The following WWOX variants were observed in gnomAD, a reference collection of about 807,000 sequenced individuals.
WWOX encodes WW domain-containing oxidoreductase.
WWOX carries 69 observed loss-of-function variants against 46.2 expected under a neutral mutation model. That is an observed-to-expected ratio of 1.49 (90% CI 1.23 to 1.82). The LOEUF (loss-of-function observed/expected upper bound fraction) is 1.82, where lower values mean the gene tolerates loss of function less well. Among genes scored for constraint, WWOX ranks in the 40% most tolerant of loss-of-function variants. WWOX has a pLI of 0.00. For synonymous variants in WWOX, 359 were observed against 202.6 expected (o/e 1.77, Z -6.56); for missense variants, 919 against 542.6 (o/e 1.69, Z -6.89).
chr16:78,960,987 G>A (rs1260014204), intron 8 of WWOX, among the ~76,000 whole-genome samples: 2 of 152,240 alleles, frequency 1.3e-5, no homozygotes, highest in African/African-American at 4.8e-5. Context: ...TATTCTCCAT[G>A]GAGTATCTTT....
chr16:78,954,002 G>T (rs576056575), intron 8 of WWOX, among the ~76,000 whole-genome samples: 7 of 152,204 alleles, frequency 4.6e-5, no homozygotes, highest in Admixed American at 4.6e-4. Flanking sequence ...TGAACAACAC[G>T]TGGTCTTTGC....
chr16:78,886,018 A>G (rs1032493640), intron 8 of WWOX, among the ~76,000 whole-genome samples: 6 of 148,646 alleles, frequency 4.0e-5, no homozygotes, highest in Non-Finnish European at 8.9e-5. Context: ...TCTGCCTCCC[A>G]AGTTCAAGCA....
intron 8 of WWOX, among the ~76,000 whole-genome samples, chr16:79,001,214 G>C (rs905778): frequency 0.99 from 151,468 of 152,322 alleles, 75,312 homozygotes; most frequent in East Asian, 1. Flanking sequence ...CTCGAGGAAC[G>C]GAGGCCGGTT....
At chr16:78,918,536 C>G (rs1175978398) in intron 8 of WWOX, among the ~76,000 whole-genome samples, 2 of 152,184 alleles carry the variant, frequency 1.3e-5, no homozygotes, top group East Asian at 3.9e-4. Context: ...GAGAAGCTGG[C>G]TGTTAAGAAA....
intron 1 of WWOX, among the ~76,000 whole-genome samples, chr16:78,103,057 G>C (rs2031901623): frequency 6.6e-6 from 1 of 152,086 alleles, no homozygotes; most frequent in South Asian, 2.1e-4. Flanking sequence ...CTAGGGCCCT[G>C]GGGCTCCCTT....
At chr16:78,546,289 G>C (rs747044908) in intron 8 of WWOX, among the ~76,000 whole-genome samples, 1 of 152,140 alleles carries the variant, frequency 6.6e-6, no homozygotes, top group Non-Finnish European at 1.5e-5. Context: ...GGAACAGAAG[G>C]GGGTCAGGCA....
chr16:78,099,911 G>A, intron 1 of WWOX, 26 bp downstream of exon 1: 3 of 1,550,544 alleles, frequency 1.9e-6, no homozygotes, highest in East Asian at 2.5e-5. Context: ...TGGGGCCGCG[G>A]ACGCACCTGG....
intron 5 of WWOX, among the ~76,000 whole-genome samples, chr16:78,369,619 G>A (rs1185280032): frequency 6.6e-6 from 1 of 151,746 alleles, no homozygotes; most frequent in East Asian, 2.0e-4. Context: ...ACTCAAAGAG[G>A]CAAACATTTT....
At chr16:79,059,727 A>C (rs972560662) in intron 8 of WWOX, among the ~76,000 whole-genome samples, 1 of 152,192 alleles carries the variant, frequency 6.6e-6, no homozygotes. Flanking sequence ...CGTTTTACTA[A>C]GAAATTTGGA....
chr16:79,208,654 A>T (rs879730117), intron 8 of WWOX, among the ~76,000 whole-genome samples: 3 of 145,918 alleles, frequency 2.1e-5, no homozygotes, highest in Non-Finnish European at 4.7e-5. Flanking sequence ...TCAGTTTAAG[A>T]ATGCTTTCTC....
chr16:78,733,677 C>G (rs568983335), intron 8 of WWOX, among the ~76,000 whole-genome samples: 2 of 151,990 alleles, frequency 1.3e-5, no homozygotes, highest in South Asian at 2.1e-4. Flanking sequence ...ATGGTTTGAA[C>G]TTGGGAGGTG....
chr16:78,711,983 A>G (rs1192099416), intron 8 of WWOX, among the ~76,000 whole-genome samples: 3 of 152,148 alleles, frequency 2.0e-5, no homozygotes, highest in African/African-American at 7.2e-5. Flanking sequence ...AATCTTCCAT[A>G]ATCTGTGCTA....
intron 8 of WWOX, chr16:78,780,396 T>G (rs1163143549): frequency 6.6e-6 from 1 of 152,234 alleles, no homozygotes; most frequent in Non-Finnish European, 1.5e-5. Context: ...ATTCATGTCA[T>G]CCTTTGGATG....
intron 8 of WWOX, among the ~76,000 whole-genome samples, chr16:78,948,507 C>G (rs61287756): frequency 0.13 from 19,607 of 152,106 alleles, 1,903 homozygotes; most frequent in East Asian, 0.38. Context: ...CTGAAAGGCA[C>G]CAGACCCCAA....
intron 8 of WWOX, among the ~76,000 whole-genome samples, chr16:78,792,091 G>A (rs1377223943): frequency 6.6e-6 from 1 of 152,072 alleles, no homozygotes; most frequent in African/African-American, 2.4e-5. Flanking sequence ...CAGGACGGTT[G>A]CCTGTATCCC....
At position 78,628,037 on chromosome 16, in the gene WWOX, C is replaced by T. The variant is rs931305390; in HGVS notation, c.1056+195285C>T. On this transcript the variant is annotated intron_variant, in intron 8 of 8. Coordinates refer to ENST00000566780, the MANE Select transcript of WWOX (RefSeq NM_016373.4). ...GAAGAGTTCAGTAAACTGTGTTTAA[C>T]CCAAGGAAAGATACAGGGTGTGTCA... is the stretch of plus-strand genomic sequence containing the variant. Among the ~76,000 whole-genome samples, 9 of 152,230 alleles carry T rather than the reference C, an allele frequency of 5.9e-5. No homozygotes were observed. In the East Asian group the frequency reaches 1.7e-3, roughly 29 times the overall value.
At chr16:79,156,854 C>T (rs1160126474) in intron 8 of WWOX, among the ~76,000 whole-genome samples, 1 of 139,536 alleles carries the variant, frequency 7.2e-6, no homozygotes, top group African/African-American at 3.0e-5. Flanking sequence ...ATCTTCTCTA[C>T]AGGCTGAAGG....
intron 6 of WWOX, among the ~76,000 whole-genome samples, chr16:78,413,376 G>A (rs1423731280): frequency 6.6e-6 from 1 of 152,196 alleles, no homozygotes; most frequent in Non-Finnish European, 1.5e-5. Flanking sequence ...AAAGGAGTCA[G>A]CAAAGGGTGA....
intron 5 of WWOX, among the ~76,000 whole-genome samples, chr16:78,205,705 A>T (rs964531542): frequency 6.6e-6 from 1 of 151,594 alleles, no homozygotes; most frequent in Non-Finnish European, 1.5e-5. Context: ...TCATTCATCT[A>T]TCCATCCATG....
Sources: allele counts gnomAD v4.1 joint callset (sites outside exome capture counted in the v4.1 genomes callset), GRCh38; gene constraint gnomAD v4.1.1; transcripts MANE v1.5; gene names NCBI Gene and HGNC (gene_info 2026-07-23, HGNC 2026-07-21).